CADPS: variants seen among roughly 807,000 people sequenced by gnomAD.
The protein encoded by CADPS is calcium dependent secretion activator.
In CADPS, 57 loss-of-function variants were observed where a neutral mutation model predicts 167.3. That is an observed-to-expected ratio of 0.34 (90% CI 0.28 to 0.42). The LOEUF is 0.42. Ranked by LOEUF, CADPS falls within the 20% of genes least tolerant of loss-of-function variation. The probability of loss-of-function intolerance (pLI) is 1.00; values close to 1 mark genes in which losing one functional copy is unlikely to be tolerated. For synonymous variants in CADPS, 676 were observed against 635.3 expected (o/e 1.06, Z -0.96); for missense variants, 1,414 against 1,738.1 (o/e 0.81, Z 3.32).
At position 62,458,203 on chromosome 3, in the gene CADPS, A is replaced by G. The variant is rs1466681840; in HGVS notation, c.3636+7164T>C. ...ACCTACTAACTATATACCAGGTGTT[A>G]TGAAAGGGCTACTGTTTATCTCTTA... On this transcript the variant is annotated intron_variant, in intron 26 of 29. Coordinates refer to ENST00000383710, the MANE Select transcript of CADPS (RefSeq NM_003716.4). This position sits in a 1 kb window ranked among gnomAD's most constrained non-coding sequence, Gnocchi z 4.6. Among the ~76,000 whole-genome samples the G allele has an allele frequency of 6.6e-6, 1 of 152,186 alleles. No homozygotes were observed. Among genetic ancestry groups the G allele is most frequent in the Non-Finnish European group, 1.5e-5 (1 of 68,038 alleles).
intron 4 of CADPS, among the ~76,000 whole-genome samples, chr3:62,658,394 A>G (rs941997821): frequency 3.3e-5 from 5 of 152,136 alleles, no homozygotes; most frequent in African/African-American, 1.2e-4. Context: ...GGATCCTTGG[A>G]TTGGTATGAG....
chr3:62,724,847 A>G (rs1262258269), intron 3 of CADPS, among the ~76,000 whole-genome samples: 1 of 152,212 alleles, frequency 6.6e-6, no homozygotes, highest in Non-Finnish European at 1.5e-5. Context: ...AAACCCTCCA[A>G]TGGCCCCTCA....
chr3:62,542,360 T>C (rs913556722), intron 11 of CADPS, among the ~76,000 whole-genome samples: 1 of 152,154 alleles, frequency 6.6e-6, no homozygotes, highest in Non-Finnish European at 1.5e-5. Flanking sequence ...TGCTTGACAG[T>C]ACAAGAGTGA....
rs377666551 is a variant in CADPS, at chr3:62,765,999, A to G, written c.442-15T>C. 1.1e-4 allele frequency: 177 copies of G among 1,563,214 alleles called. 1 individual carries two copies. The African/African-American group carries it at 1.9e-3, about 17-fold the overall frequency. On this transcript the variant is annotated splice_polypyrimidine_tract_variant and intron_variant, in intron 1 of 29. Coordinates refer to ENST00000383710, the MANE Select transcript of CADPS (RefSeq NM_003716.4). ...TGTTTGCTGATCTGTAAGAAACAGA[A>G]AAAGAGGGAAATGTGAGAACTTGTC...
intron 1 of CADPS, among the ~76,000 whole-genome samples, chr3:62,766,559 T>A (rs1576097081): frequency 6.6e-6 from 1 of 151,838 alleles, no homozygotes; most frequent in East Asian, 1.9e-4. Flanking sequence ...TATGCAGGGG[T>A]TTTCAAACTT....
intron 25 of CADPS, among the ~76,000 whole-genome samples, chr3:62,466,124 T>C (rs750587973): frequency 2.0e-5 from 3 of 152,204 alleles, no homozygotes; most frequent in African/African-American, 4.8e-5. Flanking sequence ...GACAAATTCT[T>C]ATTAAGTTAA....
Position 62,596,683 on chromosome 3 carries a change from T to C in CADPS, c.1326-3935A>G, listed in dbSNP as rs115268400. The stretch of plus-strand genomic sequence containing the variant: ...TTCACCCTGTAGTACTAGAGAACAC[T>C]AGAAATCAGTCCCCTTATCTTGCTG... On this transcript the variant is annotated intron_variant, in intron 6 of 29. Coordinates refer to ENST00000383710, the MANE Select transcript of CADPS (RefSeq NM_003716.4). Among the ~76,000 whole-genome samples the C allele has an allele frequency of 3.5e-3, 532 of 152,364 alleles. 4 individuals are homozygous for C. The highest frequency in any genetic ancestry group is 5.9e-3 in the Non-Finnish European group (404 of 68,032).
intron 6 of CADPS, among the ~76,000 whole-genome samples, chr3:62,634,230 A>G (rs182122165): frequency 1.3e-5 from 2 of 151,644 alleles, no homozygotes; most frequent in East Asian, 1.9e-4. Flanking sequence ...GCTTTGCATC[A>G]TTATTTAATT....
intron 1 of CADPS, among the ~76,000 whole-genome samples, chr3:62,802,953 T>G (rs2093860952): frequency 6.6e-6 from 1 of 152,156 alleles, no homozygotes. Flanking sequence ...GCACTAGTTT[T>G]CAGACTTAGA....
chr3:62,583,934 T>C (rs2084006271), intron 8 of CADPS, among the ~76,000 whole-genome samples: 1 of 151,982 alleles, frequency 6.6e-6, no homozygotes, highest in African/African-American at 2.4e-5. Context: ...TTTAGACCTG[T>C]CTTAATCACG....
At chr3:62,527,947 G>A (rs752513749) in intron 13 of CADPS, among the ~76,000 whole-genome samples, 14 of 152,122 alleles carry the variant, frequency 9.2e-5, no homozygotes, top group Non-Finnish European at 1.8e-4. Flanking sequence ...TTTGGAATGT[G>A]GTTTCCCCAA....
intron 7 of CADPS, among the ~76,000 whole-genome samples, chr3:62,588,272 C>G (rs2085103807): frequency 6.6e-6 from 1 of 150,934 alleles, no homozygotes. Context: ...TGCCTTCTTG[C>G]TAGGTGCTTC....
chr3:62,499,848 G>T (rs1576880908), intron 17 of CADPS: 3 of 152,394 alleles, frequency 2.0e-5, no homozygotes, highest in Non-Finnish European at 4.4e-5. Context: ...TTAAAAGGGT[G>T]TTAGGAGTAG....
intron 21 of CADPS, among the ~76,000 whole-genome samples, chr3:62,484,713 G>C (rs1209384114): frequency 6.6e-6 from 1 of 152,158 alleles, no homozygotes; most frequent in Non-Finnish European, 1.5e-5. Flanking sequence ...ATAGAAATGA[G>C]TGGAGGTGAA....
intron 27 of CADPS, 43 bp downstream of exon 27, chr3:62,445,722 A>C (rs753803668): frequency 2.2e-5 from 31 of 1,402,194 alleles, no homozygotes; most frequent in Non-Finnish European, 2.7e-5. Flanking sequence ...GAAAAAAAAA[A>C]AAAACAAAAA....
At chr3:62,801,239 T>G (rs999249045) in intron 1 of CADPS, among the ~76,000 whole-genome samples, 1 of 152,282 alleles carries the variant, frequency 6.6e-6, no homozygotes, top group East Asian at 1.9e-4. Context: ...ATAAATGCCA[T>G]TGATGCAAGA....
intron 28 of CADPS, among the ~76,000 whole-genome samples, chr3:62,407,134 A>C (rs892297574): frequency 4.0e-5 from 6 of 149,374 alleles, no homozygotes; most frequent in Admixed American, 2.7e-4. Flanking sequence ...CACTGCAATC[A>C]ACATCATCAT....
chr3:62,750,169 T>C (rs371147399), intron 3 of CADPS, among the ~76,000 whole-genome samples: 2 of 151,414 alleles, frequency 1.3e-5, no homozygotes, highest in South Asian at 2.1e-4. Flanking sequence ...CTGGCCAACA[T>C]GGAAAAACCC....
intron 4 of CADPS, among the ~76,000 whole-genome samples, chr3:62,658,645 T>C (rs535643987): frequency 2.6e-5 from 4 of 152,284 alleles, no homozygotes; most frequent in South Asian, 2.1e-4. Context: ...AGGTAAGTGA[T>C]AGTTATTACT....
Sources: allele counts gnomAD v4.1 joint callset (sites outside exome capture counted in the v4.1 genomes callset), GRCh38; gene constraint gnomAD v4.1.1; non-coding constraint Gnocchi (gnomAD v3.1); transcripts MANE v1.5; gene names NCBI Gene and HGNC (gene_info 2026-07-23, HGNC 2026-07-21).